Variants in GNAQ observed in about 807,000 individuals in gnomAD.
GNAQ encodes the protein G protein subunit alpha q.
Under a neutral mutation model 43.9 loss-of-function variants are expected in GNAQ, and 8 were observed. That is an observed-to-expected ratio of 0.18 (90% CI 0.11 to 0.33). The LOEUF is 0.33. GNAQ is among the 10% of genes least tolerant of loss of function. The pLI, the probability that GNAQ is intolerant of heterozygous loss-of-function variation, is 1.00. For missense variants in GNAQ, 158 were observed against 450.8 expected (o/e 0.35, Z 5.88); for synonymous variants, 155 against 170.7 (o/e 0.91, Z 0.71).
At chr9:77,790,901 G>T (rs528890769) in intron 5 of GNAQ, among the ~76,000 whole-genome samples, 8 of 152,314 alleles carry the variant, frequency 5.3e-5, no homozygotes, top group Admixed American at 5.2e-4. Context: ...CTGATGAGTA[G>T]CAGCTTCAGC....
intron 2 of GNAQ, among the ~76,000 whole-genome samples, chr9:77,866,509 G>C (rs1305959234): frequency 3.9e-5 from 6 of 152,206 alleles, no homozygotes; most frequent in Non-Finnish European, 7.3e-5. Flanking sequence ...ACGGTTACTT[G>C]TGATATCTTG....
intron 5 of GNAQ, among the ~76,000 whole-genome samples, chr9:77,759,121 G>T (rs1487796255): frequency 6.6e-6 from 1 of 152,098 alleles, no homozygotes; most frequent in Non-Finnish European, 1.5e-5. Context: ...CATGTGAAAA[G>T]AAATATTTCT....
At chr9:77,915,200 C>A (rs1174118526) in intron 2 of GNAQ, among the ~76,000 whole-genome samples, 2 of 152,182 alleles carry the variant, frequency 1.3e-5, no homozygotes, top group Admixed American at 1.3e-4. Flanking sequence ...CTATTTTGAA[C>A]ACAGCCAGAT....
In GNAQ at chr9:77,718,024, T is replaced by C. The variant is rs540985750; in HGVS notation, c.*3299A>G. On this transcript the variant is annotated 3_prime_UTR_variant, in exon 7 of 7. Coordinates refer to ENST00000286548, the MANE Select transcript of GNAQ (RefSeq NM_002072.5). The stretch of plus-strand genomic sequence containing the variant: ...TACAAATAAGGAATTCTCTGGGGGT[T>C]AGAACTGCCATGTCACGCAAAAAGG... The C allele has an allele frequency of 8.8e-4, 206 of 232,952 alleles. No homozygotes were observed. The highest frequency in any genetic ancestry group is 1.4e-3 in the Non-Finnish European group (165 of 117,816). 14.4% of individuals were successfully genotyped at this position (232,952 alleles called of 1,614,324 possible).
intron 1 of GNAQ, among the ~76,000 whole-genome samples, chr9:77,940,237 T>A (rs972642898): frequency 6.6e-6 from 1 of 152,124 alleles, no homozygotes; most frequent in Non-Finnish European, 1.5e-5. Flanking sequence ...ATAGTGCATA[T>A]TACAGATTAT....
At chr9:77,976,385 T>C (rs955549686) in intron 1 of GNAQ, among the ~76,000 whole-genome samples, 5 of 146,632 alleles carry the variant, frequency 3.4e-5, no homozygotes, top group Non-Finnish European at 6.1e-5. Context: ...TTTTGGTTTT[T>C]TTTTGTTTTT....
intron 5 of GNAQ, among the ~76,000 whole-genome samples, chr9:77,787,430 ATGTG>A (rs1240014996): frequency 6.6e-6 from 1 of 152,132 alleles, no homozygotes; most frequent in Non-Finnish European, 1.5e-5. Flanking sequence ...ACTCTTCTTT[ATGTG>A]TGTGTATTTC....
intron 2 of GNAQ, among the ~76,000 whole-genome samples, chr9:77,825,467 C>G (rs1448792481): frequency 1.3e-5 from 2 of 152,152 alleles, no homozygotes; most frequent in Non-Finnish European, 2.9e-5. Context: ...CTGATTCAAG[C>G]AGACGGTAAA....
At chr9:77,930,808 TC>T (rs1564155103) in intron 1 of GNAQ, among the ~76,000 whole-genome samples, 1 of 152,036 alleles carries the variant, frequency 6.6e-6, no homozygotes, top group African/African-American at 2.4e-5. Context: ...ATATTAAGTG[TC>T]CTAAAGCAGC....
At chr9:77,855,676 T>C (rs1160926117) in intron 2 of GNAQ, among the ~76,000 whole-genome samples, 1 of 152,060 alleles carries the variant, frequency 6.6e-6, no homozygotes, top group Non-Finnish European at 1.5e-5. Context: ...TCTATTAAAG[T>C]ATTTCAAGGC....
intron 2 of GNAQ, among the ~76,000 whole-genome samples, chr9:77,891,569 T>C (rs1332283116): frequency 6.6e-6 from 1 of 152,202 alleles, no homozygotes; most frequent in African/African-American, 2.4e-5. Flanking sequence ...TATACGATTG[T>C]CATCTAGGAC....
chr9:77,883,534 A>G (rs1828250613), intron 2 of GNAQ, among the ~76,000 whole-genome samples: 1 of 150,506 alleles, frequency 6.6e-6, no homozygotes, highest in Admixed American at 6.6e-5. Context: ...GTACATGTGC[A>G]TGTTTTTACA....
intron 5 of GNAQ, among the ~76,000 whole-genome samples, chr9:77,775,532 C>T (rs761731136): frequency 5.9e-5 from 9 of 151,854 alleles, no homozygotes; most frequent in Non-Finnish European, 1.3e-4. Flanking sequence ...GCCTCAGCCT[C>T]CCGAGTAGCT....
At chr9:77,962,748 C>T (rs781157909) in intron 1 of GNAQ, among the ~76,000 whole-genome samples, 13 of 151,682 alleles carry the variant, frequency 8.6e-5, no homozygotes, top group Middle Eastern at 3.2e-3. Context: ...AAAAGTTAGC[C>T]GGGTATGGTG....
chr9:77,730,950 G>C (rs1236986355), intron 5 of GNAQ, among the ~76,000 whole-genome samples: 1 of 152,160 alleles, frequency 6.6e-6, no homozygotes, highest in Non-Finnish European at 1.5e-5. Context: ...GGAGAGTGGT[G>C]TTTTTCTTTT....
chr9:77,920,607 C>T (rs971141767), intron 2 of GNAQ, among the ~76,000 whole-genome samples: 1 of 152,162 alleles, frequency 6.6e-6, no homozygotes, highest in African/African-American at 2.4e-5. Context: ...AACCCTGATC[C>T]TTTCAAATTC....
chr9:78,002,359 A>AG (rs1823654533), intron 1 of GNAQ, among the ~76,000 whole-genome samples: 1 of 152,196 alleles, frequency 6.6e-6, no homozygotes, highest in Non-Finnish European at 1.5e-5. Flanking sequence ...CACAAAGAGA[A>AG]GAACACACCC....
At chr9:77,914,315 G>C (rs1828859717) in intron 2 of GNAQ, among the ~76,000 whole-genome samples, 1 of 152,262 alleles carries the variant, frequency 6.6e-6, no homozygotes, top group South Asian at 2.1e-4. Flanking sequence ...TAGAAAAAGA[G>C]GTGGCTGACT....
chr9:77,822,205 G>T (rs750295434), intron 2 of GNAQ, among the ~76,000 whole-genome samples: 7 of 152,038 alleles, frequency 4.6e-5, no homozygotes, highest in Non-Finnish European at 8.8e-5. Context: ...TTTGCCTCCA[G>T]ATCTGTTGAC....
Sources: gnomAD v4.1 joint callset for allele counts (sites outside exome capture counted in the v4.1 genomes callset) on GRCh38, gnomAD v4.1.1 for gene constraint, MANE v1.5 for transcripts, NCBI Gene and HGNC (gene_info 2026-07-23, HGNC 2026-07-21) for gene names.